COL28A1: variants seen among roughly 807,000 people sequenced by gnomAD.
The protein encoded by COL28A1 is collagen type XXVIII alpha 1 chain.
Under a neutral mutation model 150.2 loss-of-function variants are expected in COL28A1, and 161 were observed. That is an observed-to-expected ratio of 1.07 (90% CI 0.94 to 1.22). COL28A1 has a LOEUF of 1.22. Among genes scored for constraint, COL28A1 ranks in the 50% most tolerant of loss-of-function variants. The probability of loss-of-function intolerance (pLI) is 0.00; values close to 1 mark genes in which losing one functional copy is unlikely to be tolerated. For synonymous variants in COL28A1, 552 were observed against 469.7 expected, an observed-to-expected ratio of 1.18 and a Z score of -2.26; for missense variants, 1,617 against 1,388.3, an observed-to-expected ratio of 1.16 and a Z score of -2.62.
At chr7:7,441,081 T>A (rs1250176198) in intron 20 of COL28A1, among the ~76,000 whole-genome samples, 2 of 152,220 alleles carry the variant, frequency 1.3e-5, no homozygotes, top group Non-Finnish European at 2.9e-5. Context: ...GATTTGCTAT[T>A]TTTCAAAAAT....
Position 7,358,532 on chromosome 7 carries a change from T to C in COL28A1, c.*101A>G. The C allele has an allele frequency of 9.5e-7, 1 of 1,056,214 alleles. No homozygotes were observed. Among genetic ancestry groups the C allele is most frequent in the Non-Finnish European group, 1.4e-6 (1 of 714,080 alleles). 65.4% of individuals were successfully genotyped at this position (1,056,214 alleles called of 1,614,324 possible). Reference sequence around the variant, plus strand: ...TTCAATTACATGTATAAGTTGTAAATACTCAGTATACACTCAAATATAGTG... The same window carrying C: ...TTCAATTACATGTATAAGTTGTAAACACTCAGTATACACTCAAATATAGTG... On this transcript the variant is annotated 3_prime_UTR_variant, in exon 35 of 35. Transcript: ENST00000399429.
chr7:7,532,430 C>A (rs1250172575), intron 2 of COL28A1, among the ~76,000 whole-genome samples: 1 of 151,888 alleles, frequency 6.6e-6, no homozygotes, highest in Non-Finnish European at 1.5e-5. Context: ...GGTTAATTTG[C>A]CTATGGCCTT....
chr7:7,496,413 T>A (rs1780211222), intron 11 of COL28A1, among the ~76,000 whole-genome samples: 1 of 152,240 alleles, frequency 6.6e-6, no homozygotes, highest in South Asian at 2.1e-4. Context: ...TGAGGAGCTG[T>A]GGGTCTAGAA....
At chr7:7,458,017 G>A (rs1275426046) in intron 15 of COL28A1, among the ~76,000 whole-genome samples, 1 of 152,178 alleles carries the variant, frequency 6.6e-6, no homozygotes, top group Admixed American at 6.5e-5. Context: ...ATAATATATA[G>A]TGAACAAGTA....
chr7:7,440,334 T>C (rs1028399861), intron 21 of COL28A1, among the ~76,000 whole-genome samples: 2 of 152,220 alleles, frequency 1.3e-5, no homozygotes, highest in Non-Finnish European at 2.9e-5. Flanking sequence ...AGCATATCGT[T>C]ATCTTCTTTC....
intron 26 of COL28A1, 106 bp from the exon 27 acceptor site, chr7:7,418,033 G>A: frequency 1.2e-6 from 1 of 818,544 alleles, no homozygotes. Context: ...AGTCTGACCA[G>A]GACTTTCATG....
intron 7 of COL28A1, among the ~76,000 whole-genome samples, chr7:7,517,461 C>T (rs984710743): frequency 3.3e-5 from 5 of 152,156 alleles, no homozygotes; most frequent in Non-Finnish European, 2.9e-5. Context: ...AGTTCTTATG[C>T]TCCTGAAATT....
intron 25 of COL28A1, among the ~76,000 whole-genome samples, chr7:7,430,283 C>A (rs770058359): frequency 1.3e-5 from 2 of 152,088 alleles, no homozygotes; most frequent in African/African-American, 4.8e-5. Flanking sequence ...CCCACCACCA[C>A]GCCCAGCTAA....
intron 9 of COL28A1, among the ~76,000 whole-genome samples, chr7:7,508,399 C>A (rs2115131053): frequency 6.6e-6 from 1 of 152,272 alleles, no homozygotes; most frequent in East Asian, 1.9e-4. Flanking sequence ...TTCTGATTCA[C>A]TCCTAAGAAT....
At chr7:7,529,096 G>A (rs1782195022) in intron 3 of COL28A1, among the ~76,000 whole-genome samples, 1 of 151,970 alleles carries the variant, frequency 6.6e-6, no homozygotes, top group Non-Finnish European at 1.5e-5. Context: ...GAGGTCAGGA[G>A]TTTGAGAACA....
At chr7:7,514,166 C>T (rs2115163501) in intron 8 of COL28A1, among the ~76,000 whole-genome samples, 1 of 149,334 alleles carries the variant, frequency 6.7e-6, no homozygotes, top group South Asian at 2.1e-4. Context: ...CTATATAAAT[C>T]AAAATGGAGG....
At chr7:7,477,601 T>G (rs1008824724) in intron 13 of COL28A1, among the ~76,000 whole-genome samples, 13 of 152,204 alleles carry the variant, frequency 8.5e-5, no homozygotes, top group African/African-American at 2.9e-4. Flanking sequence ...GATGTTCAGT[T>G]GTGTTCCCAG....
At chr7:7,347,808 C>T in the COL28A1 span, among the ~76,000 whole-genome samples, 1 of 151,980 alleles carries the variant, frequency 6.6e-6, no homozygotes, top group South Asian at 2.1e-4. Flanking sequence ...GATTATTAAG[C>T]GAAGGCTGGA....
At chr7:7,419,446 GA>G (rs1784278042) in intron 26 of COL28A1, among the ~76,000 whole-genome samples, 1 of 152,138 alleles carries the variant, frequency 6.6e-6, no homozygotes, top group Non-Finnish European at 1.5e-5. Context: ...TGGGCCAAAA[GA>G]AGTTGCTCTC....
chr7:7,472,844 A>C lies in COL28A1; in HGVS notation c.1302+1757T>G, dbSNP rs149595210. ...ATAGGCACATAGACCAGTGGAACAG[A>C]ATAAAGAACCCAGAAATAAACCATC... On this transcript the variant is annotated intron_variant, in intron 15 of 34. Coordinates refer to ENST00000399429, the MANE Select transcript of COL28A1 (RefSeq NM_001037763.3). Among the ~76,000 whole-genome samples, 708 of 152,356 alleles carry C rather than the reference A, an allele frequency of 4.6e-3. 5 individuals are homozygous for C. The highest frequency in any genetic ancestry group is 0.022 in the East Asian group (115 of 5,188).
At chr7:7,402,080 T>G (rs1783238498) in intron 27 of COL28A1, among the ~76,000 whole-genome samples, 1 of 152,218 alleles carries the variant, frequency 6.6e-6, no homozygotes, top group South Asian at 2.1e-4. Context: ...AGTGACGGGA[T>G]TCTCCCAATG....
chr7:7,541,936 T>A, the COL28A1 span, among the ~76,000 whole-genome samples: 17 of 87,482 alleles, frequency 1.9e-4, no homozygotes, highest in African/African-American at 4.9e-4. Context: ...TGGCAAGTTT[T>A]ACCCAAAAAA....
At chr7:7,487,142 T>A (rs963151488) in intron 13 of COL28A1, among the ~76,000 whole-genome samples, 19 of 150,242 alleles carry the variant, frequency 1.3e-4, no homozygotes, top group African/African-American at 4.7e-4. Context: ...ATGCTTAAAA[T>A]ATTTCATTAT....
intron 8 of COL28A1, among the ~76,000 whole-genome samples, chr7:7,512,686 C>T (rs1237665082): frequency 6.6e-6 from 1 of 152,144 alleles, no homozygotes; most frequent in Non-Finnish European, 1.5e-5. Context: ...TTATAAATCA[C>T]TTTAGAGTTT....
Sources: gnomAD v4.1 joint callset for allele counts (sites outside exome capture counted in the v4.1 genomes callset) on GRCh38, gnomAD v4.1.1 for gene constraint, MANE v1.5 for transcripts, NCBI Gene and HGNC (gene_info 2026-07-23, HGNC 2026-07-21) for gene names.